The following TBC1D20 variants were observed in gnomAD, a reference collection of about 807,000 sequenced individuals.
The protein encoded by TBC1D20 is chromosome 20 open reading frame 140.
A neutral mutation model predicts 41.6 loss-of-function variants in TBC1D20; 12 were observed. The observed-to-expected ratio is 0.29, with a 90% CI of 0.18 to 0.47. The LOEUF is 0.47. Ranked by LOEUF, TBC1D20 falls within the 20% of genes least tolerant of loss-of-function variation. The pLI is 1.00. For missense variants in TBC1D20, 421 were observed against 517.4 expected (o/e 0.81, Z 1.81); for synonymous variants, 205 against 204.8 (o/e 1.00, Z -0.01).
intron 1 of TBC1D20, among the ~76,000 whole-genome samples, chr20:460,766 T>C (rs2017616663): frequency 6.6e-6 from 1 of 152,154 alleles, no homozygotes. Context: ...TCTGATATGA[T>C]TAAAAAACAA....
chr20:457,409 G>C (rs972006765), intron 1 of TBC1D20, among the ~76,000 whole-genome samples: 7 of 151,850 alleles, frequency 4.6e-5, no homozygotes, highest in Admixed American at 2.0e-4. Context: ...TTTTGTAGAG[G>C]TGGGGTCTCA....
At chr20:444,380 C>T (rs2017292621) in intron 3 of TBC1D20, among the ~76,000 whole-genome samples, 1 of 152,150 alleles carries the variant, frequency 6.6e-6, no homozygotes, top group South Asian at 2.1e-4. Flanking sequence ...CTCCTGTTCC[C>T]TTTAGCAATT....
intron 7 of TBC1D20, 66 bp from the exon 8 acceptor site, chr20:438,907 C>G: frequency 6.3e-7 from 1 of 1,581,936 alleles, no homozygotes; most frequent in Non-Finnish European, 8.6e-7. Context: ...AAAACTACAC[C>G]ACATAGGCTG....
Position 457,803 on chromosome 20 carries a change from C to T in TBC1D20, c.70+4533G>A, listed in dbSNP as rs561285561. Among the ~76,000 whole-genome samples, 19 of 152,290 alleles carry T rather than the reference C, an allele frequency of 1.2e-4. No individual in the cohort carries two copies. The East Asian group carries it at 3.7e-3, about 29-fold the overall frequency. ...GGGATTTTACTTTGGGCCTGAGGGC[C>T]ATCCTTTGGAAGACCAGGCTGTACG... On this transcript the variant is annotated intron_variant, in intron 1 of 7. Transcript: ENST00000354200.
chr20:440,117 T>C (rs2017199008), intron 6 of TBC1D20, 131 bp downstream of exon 6: 1 of 1,220,586 alleles, frequency 8.2e-7, no homozygotes, highest in South Asian at 1.5e-5. Context: ...CAGAATGGTG[T>C]CCAGGGACAC....
chr20:442,811 A>C (rs548861372), intron 3 of TBC1D20, among the ~76,000 whole-genome samples: 1 of 152,296 alleles, frequency 6.6e-6, no homozygotes, highest in South Asian at 2.1e-4. Flanking sequence ...AAAAAAGCAA[A>C]TGTAGGCCAG....
At position 439,293 on chromosome 20, in the gene TBC1D20, A is replaced by C; in HGVS notation, c.771T>G (p.Ile257Met). 1 of 1,605,384 alleles carries C rather than the reference A, an allele frequency of 6.2e-7. No individual in the cohort carries two copies. Among genetic ancestry groups the C allele is most frequent in the Non-Finnish European group, 8.5e-7 (1 of 1,175,526 alleles). ...PLMPIYFAAV[I>M]VLYREQEVLD... The stretch of plus-strand genomic sequence containing the variant: ...GGACTTCCTGCTCGCGATACAACAC[A>C]ATCTGTGGGGAGGTAGTAAAGCCTT... The change falls in exon 7 of 8, where the codon ATT (isoleucine) becomes ATG (methionine). Residue 257 changes from isoleucine to methionine, a missense_variant and splice_region_variant. Physicochemically the swap from Ile to Met is conservative, Grantham distance 10. Around this residue, in one of 3 missense-constraint regions of TBC1D20, gnomAD observed 110 missense variants for 183.5 expected, o/e 0.60. Coordinates refer to ENST00000354200, the MANE Select transcript of TBC1D20 (RefSeq NM_144628.4). This position sits in a 1 kb window ranked among gnomAD's most constrained non-coding sequence, Gnocchi z 4.6.
At position 448,839 on chromosome 20, in the gene TBC1D20, T is replaced by C. The variant is rs528099520; in HGVS notation, c.71-765A>G. ...TGCCTGGTCCAGAAATAATTACACG[T>C]ACTTTTTTTTTTTTTTTTTTTTGAG... On this transcript the variant is annotated intron_variant, in intron 1 of 7. Coordinates refer to ENST00000354200, the MANE Select transcript of TBC1D20 (RefSeq NM_144628.4). 4.4e-3 allele frequency among the ~76,000 whole-genome samples: 651 copies of C among 146,954 alleles called. 4 individuals carry two copies. Among genetic ancestry groups the C allele is most frequent in the African/African-American group, 0.016 (617 of 38,806 alleles).
rs551512089 is a variant in TBC1D20 at position 455,110 on chromosome 20, T to C, written c.71-7036A>G. On this transcript the variant is annotated intron_variant, in intron 1 of 7. Coordinates refer to ENST00000354200, the MANE Select transcript of TBC1D20 (RefSeq NM_144628.4). ...AATTGGAAGTGCGACAGAAAGATAA[T>C]AGGAGTAACTTTTCACCTCGGTAAA... 2.0e-5 allele frequency among the ~76,000 whole-genome samples: 3 copies of C among 152,300 alleles called. No homozygotes were observed. The East Asian group carries it at 5.8e-4, about 29-fold the overall frequency.
At chr20:454,564 T>C (rs917901394) in intron 1 of TBC1D20, among the ~76,000 whole-genome samples, 5 of 152,140 alleles carry the variant, frequency 3.3e-5, no homozygotes, top group Admixed American at 3.3e-4. Flanking sequence ...CATTAGGTTT[T>C]AGAAGGGACA....
intron 4 of TBC1D20, 25 bp downstream of exon 4, chr20:441,832 G>A (rs757415405): frequency 6.2e-6 from 10 of 1,607,440 alleles, no homozygotes; most frequent in African/African-American, 4.0e-5. Context: ...GATGCCCGTC[G>A]TCTTGTGTTC....
intron 1 of TBC1D20, among the ~76,000 whole-genome samples, chr20:457,586 C>T (rs1600344505): frequency 6.6e-6 from 1 of 152,108 alleles, no homozygotes; most frequent in Admixed American, 6.6e-5. Context: ...GTACTCCAGG[C>T]AGAAGAGTTA....
chr20:457,529 G>A (rs1306415495), intron 1 of TBC1D20, among the ~76,000 whole-genome samples: 2 of 152,176 alleles, frequency 1.3e-5, no homozygotes, highest in Admixed American at 6.5e-5. Context: ...GCTCTGGTAC[G>A]TTCTTAAAGA....
chr20:461,259 T>C (rs1264873962), intron 1 of TBC1D20, among the ~76,000 whole-genome samples: 2 of 152,212 alleles, frequency 1.3e-5, no homozygotes, highest in Non-Finnish European at 2.9e-5. Flanking sequence ...CATGTATTTA[T>C]TGAATGAAAA....
chr20:441,538 G>T, intron 5 of TBC1D20, 50 bp downstream of exon 5: 1 of 1,460,244 alleles, frequency 6.8e-7, no homozygotes, highest in Non-Finnish European at 9.6e-7. Context: ...AGGTGTGGGG[G>T]GGTGTGGGCG....
At chr20:444,108 A>G (rs912259761) in intron 3 of TBC1D20, among the ~76,000 whole-genome samples, 1 of 151,750 alleles carries the variant, frequency 6.6e-6, no homozygotes, top group Non-Finnish European at 1.5e-5. Context: ...TCCAGCCTGC[A>G]ACAAGAGTGA....
At chr20:457,551 C>A (rs1331315650) in intron 1 of TBC1D20, among the ~76,000 whole-genome samples, 5 of 152,136 alleles carry the variant, frequency 3.3e-5, no homozygotes, top group South Asian at 2.1e-4. Flanking sequence ...AATTTTGCCA[C>A]AGGGAAGAGT....
chr20:440,618 C>T (rs961997235), intron 5 of TBC1D20: 14 of 472,610 alleles, frequency 3.0e-5, no homozygotes, highest in Non-Finnish European at 4.7e-5. Context: ...TCACTGGGTG[C>T]TCGCCTACTG....
intron 3 of TBC1D20, among the ~76,000 whole-genome samples, chr20:444,303 C>T (rs2017290796): frequency 6.6e-6 from 1 of 152,186 alleles, no homozygotes; most frequent in Non-Finnish European, 1.5e-5. Flanking sequence ...AGCAGGAAAG[C>T]AGCCCCTTCA....
Sources: gnomAD v4.1 joint callset for allele counts (sites outside exome capture counted in the v4.1 genomes callset) on GRCh38, gnomAD v4.1.1 for gene constraint, gnomAD v4.1.1 regional missense constraint, Gnocchi (gnomAD v3.1) non-coding constraint, MANE v1.5 for transcripts, NCBI Gene and HGNC (gene_info 2026-07-23, HGNC 2026-07-21) for gene names.